RGL3: variants seen among roughly 807,000 people sequenced by gnomAD.
RGL3 encodes ral guanine nucleotide dissociation stimulator-like 3.
RGL3 carries 85 observed loss-of-function variants against 90.6 expected under a neutral mutation model. The ratio of observed to expected loss-of-function variants is 0.94; its 90% confidence interval spans 0.79 to 1.12. The LOEUF (loss-of-function observed/expected upper bound fraction) is 1.12. Ranked by LOEUF, RGL3 falls within the 50% of genes most tolerant of loss-of-function variation. The pLI is 0.00. For missense variants in RGL3, 1,034 were observed against 939.2 expected (o/e 1.10, Z -1.32); for synonymous variants, 408 against 385.5 (o/e 1.06, Z -0.68).
At chr19:11,411,717 G>A (rs1323421502) in intron 5 of RGL3, among the ~76,000 whole-genome samples, 1 of 152,152 alleles carries the variant, frequency 6.6e-6, no homozygotes, top group African/African-American at 2.4e-5. Context: ...GACCATCCCA[G>A]GCTAAAATGA....
intron 5 of RGL3, among the ~76,000 whole-genome samples, chr19:11,414,496 T>TATATATATATATACACCTTC (rs1968951785): frequency 1.6e-5 from 1 of 62,064 alleles, no homozygotes; most frequent in African/African-American, 6.4e-5. Flanking sequence ...CCTTCATATA[T>TATATATATATATACACCTTC]ATATATATAT....
At position 11,416,978 on chromosome 19, in the gene RGL3, G is replaced by A. The variant is rs1969012841; in HGVS notation, c.229C>T (p.Leu77=). 1 of 1,613,906 alleles carries A rather than the reference G, an allele frequency of 6.2e-7. No individual in the cohort carries two copies. Among genetic ancestry groups the A allele is most frequent in the Non-Finnish European group, 8.5e-7 (1 of 1,180,008 alleles). Residue 77 remains leucine (L), a synonymous_variant, in exon 3 of 19, where the codon CTG becomes TTG. Coordinates refer to ENST00000380456, the MANE Select transcript of RGL3 (RefSeq NM_001035223.4). ...TCTCCAAACACCAACTCTCCCACCA[G>A]CCGCTCCAGGCGCGCTGCCCTCAGC... ...RVLRAARLER[L]VGELVFGDRE...
chr19:11,406,963 C>A, intron 5 of RGL3, 99 bp from the exon 6 acceptor site: 5 of 1,208,824 alleles, frequency 4.1e-6, no homozygotes, highest in South Asian at 1.5e-5. Flanking sequence ...TCACTTTCCT[C>A]ATTTGTAAAA....
rs143235367 is a variant in RGL3, at chr19:11,416,954, C to T, written c.253G>A (p.Asp85Asn). 9,817 of 1,614,106 alleles carry T rather than the reference C, an allele frequency of 6.1e-3. 32 individuals are homozygous for T. Among genetic ancestry groups the T allele is most frequent in the Non-Finnish European group, 7.4e-3 (8,714 of 1,180,026 alleles). The change falls in exon 3 of 19, where the codon GAC (aspartate) becomes AAC (asparagine). Residue 85 changes from aspartate to asparagine, a missense_variant. Coordinates refer to ENST00000380456, the MANE Select transcript of RGL3 (RefSeq NM_001035223.4). ...ERLVGELVFGDREQDPSFMPA... is the reference protein window; with the variant it reads ...ERLVGELVFGNREQDPSFMPA... The stretch of plus-strand genomic sequence containing the variant: ...ATGAAGCTGGGGTCCTGCTCACGGT[C>T]TCCAAACACCAACTCTCCCACCAGC...
At chr19:11,401,448 T>G (rs979127515) in intron 13 of RGL3, among the ~76,000 whole-genome samples, 30 of 149,518 alleles carry the variant, frequency 2.0e-4, no homozygotes, top group Admixed American at 1.2e-3. Flanking sequence ...CAGGCTGGAG[T>G]GCAGTGGCAC....
chr19:11,411,986 T>C (rs914171991), intron 5 of RGL3, among the ~76,000 whole-genome samples: 2 of 151,708 alleles, frequency 1.3e-5, no homozygotes, highest in African/African-American at 4.8e-5. Context: ...TATTAAAAAA[T>C]AAAAATAAAA....
intron 2 of RGL3, 89 bp from the exon 3 acceptor site, chr19:11,417,148 T>C: frequency 1.0e-6 from 1 of 984,634 alleles, no homozygotes. Flanking sequence ...GCACCACTCT[T>C]TTTTTTTTTG....
chr19:11,415,505 C>T lies in RGL3; in HGVS notation c.637+432G>A, dbSNP rs536686945. Among the ~76,000 whole-genome samples, 117 of 151,852 alleles carry T rather than the reference C, an allele frequency of 7.7e-4. 1 individual carries two copies. In the South Asian group the frequency reaches 0.016, roughly 20 times the overall value. On this transcript the variant is annotated intron_variant, in intron 5 of 18. Coordinates refer to ENST00000380456, the MANE Select transcript of RGL3 (RefSeq NM_001035223.4). ...TTGTTTTTTTTTTTAGACGGAGTTT[C>T]GCTCTGGTTGTCCAGGCGAGAGTGC...
At chr19:11,415,081 G>T (rs1968969628) in intron 5 of RGL3, among the ~76,000 whole-genome samples, 2 of 151,502 alleles carry the variant, frequency 1.3e-5, no homozygotes, top group Non-Finnish European at 1.5e-5. Flanking sequence ...AGTGAGCCAA[G>T]ATTGTGCCAC....
At chr19:11,414,705 T>C (rs1184696003) in intron 5 of RGL3, among the ~76,000 whole-genome samples, 1 of 151,040 alleles carries the variant, frequency 6.6e-6, no homozygotes, top group East Asian at 1.9e-4. Context: ...TGAAAGATGA[T>C]ACTTCCTAAG....
chr19:11,395,388 C>T (rs1260093223), intron 18 of RGL3, among the ~76,000 whole-genome samples: 1 of 152,208 alleles, frequency 6.6e-6, no homozygotes, highest in Non-Finnish European at 1.5e-5. Context: ...CAATCCCTTG[C>T]TTCTCCCTGT....
chr19:11,417,135 C>T (rs1969016740), intron 2 of RGL3, 76 bp from the exon 3 acceptor site: 3 of 1,034,412 alleles, frequency 2.9e-6, no homozygotes, highest in Non-Finnish European at 2.8e-6. Flanking sequence ...ACATTCATCA[C>T]TAGCACCACT....
At position 11,402,701 on chromosome 19, in the gene RGL3, C is replaced by T. The variant is rs967399139; in HGVS notation, c.1191G>A (p.Glu397=). 2 of 1,613,234 alleles carry T rather than the reference C, an allele frequency of 1.2e-6. No homozygotes were observed. Among genetic ancestry groups the T allele is most frequent in the Admixed American group, 1.7e-5 (1 of 59,650 alleles). The change falls in exon 10 of 19, where the codon GAG becomes GAA. Residue 397 remains glutamate, a synonymous_variant. Coordinates refer to ENST00000380456, the MANE Select transcript of RGL3 (RefSeq NM_001035223.4). ...LSSREILFQE[E]ATEGSQEEDN... ...CCTCTTCTTGGGATCCCTCAGTGGCCTCCTCCTGAGGGAAGAGAAAAACTG... is the reference window on the plus strand; with the variant it reads ...CCTCTTCTTGGGATCCCTCAGTGGCTTCCTCCTGAGGGAAGAGAAAAACTG...
chr19:11,395,092 C>CAA (rs1285875207), intron 18 of RGL3, among the ~76,000 whole-genome samples: 5 of 121,772 alleles, frequency 4.1e-5, no homozygotes, highest in African/African-American at 8.9e-5. Flanking sequence ...GACTCCATCT[C>CAA]AAAAAAAAAA....
intron 2 of RGL3, 138 bp from the exon 3 acceptor site, chr19:11,417,197 G>A (rs1481568192): frequency 4.3e-6 from 3 of 695,034 alleles, no homozygotes; most frequent in Non-Finnish European, 4.6e-6. Flanking sequence ...TGTTGCCCAG[G>A]CTGGAGTGCA....
intron 18 of RGL3, among the ~76,000 whole-genome samples, chr19:11,395,258 T>C (rs73922652): frequency 0.13 from 19,216 of 151,222 alleles, 1,722 homozygotes; most frequent in African/African-American, 0.25. Context: ...TGAACTTGAA[T>C]AACTTCCCAC....
chr19:11,405,120 A>C, intron 9 of RGL3, 27 bp downstream of exon 9: 1 of 1,602,612 alleles, frequency 6.2e-7, no homozygotes, highest in Non-Finnish European at 8.6e-7. Flanking sequence ...CGGGCCTAAA[A>C]TCCCTGGAGT....
chr19:11,417,010 A>G lies in RGL3; in HGVS notation c.197T>C (p.Val66Ala). 2 of 1,612,992 alleles carry G rather than the reference A, an allele frequency of 1.2e-6. No homozygotes were observed. The highest frequency in any genetic ancestry group is 1.7e-6 in the Non-Finnish European group (2 of 1,179,490). The change falls in exon 3 of 19, where the codon GTG becomes GCG. Residue 66 changes from valine to alanine, a missense_variant. Physicochemically the swap from Val to Ala is moderately conservative, Grantham distance 64 (BLOSUM62 0). Coordinates refer to ENST00000380456, the MANE Select transcript of RGL3 (RefSeq NM_001035223.4). ...NTFLHYRTSK[V>A]RVLRAARLER... ...CAGGCGCGCTGCCCTCAGCACCCTC[A>G]CCTTGCTGGTTCGATAGTGGAGGAA...
chr19:11,414,229 C>T (rs1968931482), intron 5 of RGL3, among the ~76,000 whole-genome samples: 1 of 63,092 alleles, frequency 1.6e-5, no homozygotes, highest in Non-Finnish European at 2.9e-5. Context: ...ATATATATAC[C>T]TTTATATATA....
Sources: allele counts gnomAD v4.1 joint callset (sites outside exome capture counted in the v4.1 genomes callset), GRCh38; gene constraint gnomAD v4.1.1; transcripts MANE v1.5; gene names NCBI Gene and HGNC (gene_info 2026-07-23, HGNC 2026-07-21).